HMCN1: variants seen among roughly 807,000 people sequenced by gnomAD.
The protein encoded by HMCN1 is hemicentin 1.
HMCN1 carries 321 observed loss-of-function variants against 625.9 expected under a neutral mutation model. That is an observed-to-expected ratio of 0.51 (90% CI 0.47 to 0.56). HMCN1 has a LOEUF of 0.56. Among genes scored for constraint, HMCN1 ranks in the 20% least tolerant of loss-of-function variants. The probability of loss-of-function intolerance (pLI) is 0.00; values close to 1 mark genes in which losing one functional copy is unlikely to be tolerated. For synonymous variants in HMCN1, 2,425 were observed against 2,417.6 expected (o/e 1.00, Z -0.09); for missense variants, 6,588 against 6,887.3 (o/e 0.96, Z 1.54).
chr1:185,734,563 A>G lies in HMCN1; in HGVS notation c.-217A>G. ...AGCAGTCCAGGAGGAAGCCGCATCC[A>G]GACAAAAGCTGCCGCATCCCTGCCC... On this transcript the variant is annotated 5_prime_UTR_variant, in exon 1 of 107. Coordinates refer to ENST00000271588, the MANE Select transcript of HMCN1 (RefSeq NM_031935.3). 1.7e-6 allele frequency: 1 copy of G among 575,762 alleles called. No homozygotes were observed. The highest frequency in any genetic ancestry group is 3.1e-6 in the Non-Finnish European group (1 of 323,612). The allele number at this position is 575,762 out of a possible 1,614,324, so 35.7% of individuals were successfully genotyped here.
At position 185,923,480 on chromosome 1, in the gene HMCN1, C is replaced by A; in HGVS notation, c.1112C>A (p.Ser371Tyr). Residue 371 changes from serine (S) to tyrosine (Y), a missense_variant, in exon 8 of 107, where the codon TCT becomes TAT. This residue lies in a region of HMCN1 where 4,628 missense variants were observed against 4,853.1 expected (regional missense o/e 0.95). Transcript: ENST00000271588. The stretch of plus-strand genomic sequence containing the variant: ...GAACTTTTGAGTATCTCAGGAAGTT[C>A]TCTTAAGACTATTCCTGTTAAATAT... ...LLELLSISGS[S>Y]LKTIPVKYYP... 1.2e-6 allele frequency: 2 copies of A among 1,610,804 alleles called. No homozygotes were observed. Among genetic ancestry groups the A allele is most frequent in the Non-Finnish European group, 8.5e-7 (1 of 1,177,316 alleles).
At chr1:185,889,298 T>C (rs1284631732) in intron 4 of HMCN1, among the ~76,000 whole-genome samples, 2 of 142,562 alleles carry the variant, frequency 1.4e-5, no homozygotes, top group Admixed American at 1.4e-4. Context: ...GAATACCCTT[T>C]ATTTCCTTCT....
intron 71 of HMCN1, 85 bp from the exon 72 acceptor site, chr1:186,112,727 T>C: frequency 6.6e-7 from 1 of 1,523,036 alleles, no homozygotes; most frequent in Non-Finnish European, 9.0e-7. Flanking sequence ...CACAGTTCAC[T>C]ATACTTACTT....
chr1:185,831,492 A>G (rs1430505976), intron 1 of HMCN1, among the ~76,000 whole-genome samples: 1 of 152,188 alleles, frequency 6.6e-6, no homozygotes, highest in East Asian at 1.9e-4. Context: ...ACAAAACAGT[A>G]ATTCCACTAT....
chr1:185,738,931 T>A (rs1441021392), intron 1 of HMCN1, among the ~76,000 whole-genome samples: 1 of 152,156 alleles, frequency 6.6e-6, no homozygotes, highest in East Asian at 1.9e-4. Flanking sequence ...ATGGGTAAAT[T>A]GTGTGTCACT....
intron 9 of HMCN1, among the ~76,000 whole-genome samples, chr1:185,927,641 T>C (rs891391057): frequency 1.7e-4 from 26 of 152,202 alleles, no homozygotes; most frequent in Middle Eastern, 6.3e-3. Flanking sequence ...TCTAGAGATA[T>C]CACCATAAGG....
chr1:186,147,610 A>C (rs537815129), intron 93 of HMCN1, among the ~76,000 whole-genome samples: 1 of 152,176 alleles, frequency 6.6e-6, no homozygotes, highest in Non-Finnish European at 1.5e-5. Context: ...CCTCAGAGAT[A>C]TTGCAGATTC....
chr1:186,189,646 A>G lies in HMCN1; in HGVS notation c.16676A>G (p.Gln5559Arg). 1 of 1,611,874 alleles carries G rather than the reference A, an allele frequency of 6.2e-7. No individual in the cohort carries two copies. Among genetic ancestry groups the G allele is most frequent in the Non-Finnish European group, 8.5e-7 (1 of 1,178,514 alleles). ...TTAATCCGGCTGGTTGCATACACAC[A>G]GGATGGAGTGATGCATCCCAGGACA... ...QDLIRLVAYT[Q>R]DGVMHPRTTF... Residue 5559 changes from glutamine (Q) to arginine (R), a missense_variant, in exon 107 of 107, where the codon CAG becomes CGG. Gln to Arg is a conservative substitution (Grantham distance 43). Coordinates refer to ENST00000271588, the MANE Select transcript of HMCN1 (RefSeq NM_031935.3).
chr1:185,853,526 C>A (rs116027964), intron 2 of HMCN1, among the ~76,000 whole-genome samples: 1 of 152,064 alleles, frequency 6.6e-6, no homozygotes, highest in African/African-American at 2.4e-5. Context: ...GTTTGCAGTT[C>A]GAGTTTTCTA....
chr1:185,925,095 A>T lies in HMCN1; in HGVS notation c.1334A>T (p.Gln445Leu). Residue 445 changes from glutamine (Q) to leucine (L), a missense_variant, in exon 9 of 107, where the codon CAG (glutamine) becomes CTG (leucine). Around this residue, in one of 3 missense-constraint regions of HMCN1, gnomAD observed 4,628 missense variants for 4,853.1 expected, o/e 0.95. Transcript: ENST00000271588. The part of the protein sequence containing the change: ...MPEKTPGYYL[Q>L]PGQIPCSVDS... Reference sequence around the variant, plus strand: ...GAGAAAACCCCAGGATACTATCTGCAGCCGGGCCAAATTCCCTGCTCTGTT... The same window carrying T: ...GAGAAAACCCCAGGATACTATCTGCTGCCGGGCCAAATTCCCTGCTCTGTT... 6.2e-7 allele frequency: 1 copy of T among 1,614,034 alleles called. No individual in the cohort carries two copies. Among genetic ancestry groups the T allele is most frequent in the Non-Finnish European group, 8.5e-7 (1 of 1,179,948 alleles).
At position 185,977,856 on chromosome 1, in the gene HMCN1, G is replaced by C. The variant is rs150080274; in HGVS notation, c.2441G>C (p.Cys814Ser). The change falls in exon 16 of 107, where the codon TGT becomes TCT. Residue 814 changes from cysteine (C) to serine (S), a missense_variant. By Grantham distance (112) the Cys-to-Ser change is moderately radical. Coordinates refer to ENST00000271588, the MANE Select transcript of HMCN1 (RefSeq NM_031935.3). ...MEIGSNVTLPCYVQGYPEPTI... is the reference protein window; with the variant it reads ...MEIGSNVTLPSYVQGYPEPTI... ...ATTGGCTCAAATGTGACATTACCTT[G>C]TTATGTTCAGGGTTATCCAGAACCA... 41 of 1,612,978 alleles carry C rather than the reference G, an allele frequency of 2.5e-5. No homozygotes were observed. The highest frequency in any genetic ancestry group is 3.5e-5 in the Non-Finnish European group (41 of 1,179,314).
At chr1:185,743,806 T>C (rs1017973791) in intron 1 of HMCN1, among the ~76,000 whole-genome samples, 10 of 152,204 alleles carry the variant, frequency 6.6e-5, no homozygotes, top group African/African-American at 2.4e-4. Flanking sequence ...AAACATTATA[T>C]GTGAAAGTCC....
At chr1:186,186,366 A>G (rs1255156470) in intron 105 of HMCN1, among the ~76,000 whole-genome samples, 1 of 152,136 alleles carries the variant, frequency 6.6e-6, no homozygotes, top group African/African-American at 2.4e-5. Context: ...CTCTCTACTA[A>G]AAATACAAAA....
chr1:185,873,271 G>A (rs1663736238), intron 4 of HMCN1, among the ~76,000 whole-genome samples: 1 of 152,088 alleles, frequency 6.6e-6, no homozygotes, highest in African/African-American at 2.4e-5. Flanking sequence ...AAAAGTTACT[G>A]TGTCAACCTC....
intron 1 of HMCN1, among the ~76,000 whole-genome samples, chr1:185,827,795 T>C (rs1274951189): frequency 2.0e-5 from 3 of 151,716 alleles, no homozygotes; most frequent in African/African-American, 7.3e-5. Flanking sequence ...ATTGCCCCAG[T>C]GCCATAAACA....
At chr1:185,758,258 TA>T (rs1557945938) in intron 1 of HMCN1, among the ~76,000 whole-genome samples, 1 of 152,302 alleles carries the variant, frequency 6.6e-6, no homozygotes, top group African/African-American at 2.4e-5. Flanking sequence ...ATATGACTTT[TA>T]AAAAAATTAT....
intron 11 of HMCN1, among the ~76,000 whole-genome samples, chr1:185,941,107 G>C (rs1289887967): frequency 6.6e-6 from 1 of 151,974 alleles, no homozygotes; most frequent in African/African-American, 2.4e-5. Flanking sequence ...TGCCCGCCTC[G>C]GCCTCCCAAA....
At chr1:185,912,400 C>A (rs144623665) in intron 6 of HMCN1, among the ~76,000 whole-genome samples, 151 of 152,170 alleles carry the variant, frequency 9.9e-4, no homozygotes, top group African/African-American at 3.5e-3. Context: ...GTATTTATAT[C>A]CTAAACTTAT....
intron 11 of HMCN1, among the ~76,000 whole-genome samples, chr1:185,941,382 A>G (rs1202242266): frequency 6.6e-6 from 1 of 152,202 alleles, no homozygotes; most frequent in East Asian, 1.9e-4. Flanking sequence ...ACATGGAGTT[A>G]TTTCTAAATT....
Sources: allele counts gnomAD v4.1 joint callset (sites outside exome capture counted in the v4.1 genomes callset), GRCh38; gene constraint gnomAD v4.1.1; regional missense constraint gnomAD v4.1.1; transcripts MANE v1.5; gene names NCBI Gene and HGNC (gene_info 2026-07-23, HGNC 2026-07-21).